Variants in SPTBN4 observed in about 807,000 individuals in gnomAD.
SPTBN4 encodes spectrin beta chain, non-erythrocytic 4.
A neutral mutation model predicts 277.8 loss-of-function variants in SPTBN4; 96 were observed. The ratio of observed to expected loss-of-function variants is 0.35; its 90% confidence interval spans 0.29 to 0.41. The LOEUF (loss-of-function observed/expected upper bound fraction) is 0.41. Among genes scored for constraint, SPTBN4 ranks in the 10% least tolerant of loss-of-function variants. The pLI is 1.00. For missense variants in SPTBN4, 3,006 were observed against 3,595.7 expected (o/e 0.84, Z 4.19); for synonymous variants, 1,481 against 1,580.3 (o/e 0.94, Z 1.49).
chr19:40,523,277 C>T lies in SPTBN4; in HGVS notation c.3655-160C>T, dbSNP rs534063051. On this transcript the variant is annotated intron_variant, in intron 16 of 35. Coordinates refer to ENST00000598249, the MANE Select transcript of SPTBN4 (RefSeq NM_020971.3). The stretch of plus-strand genomic sequence containing the variant: ...GTATCTGGAGGGACAGACTCCCAGG[C>T]AGAAGCACCAGCATGGGCAACAGCC... 1.6e-4 allele frequency among the ~76,000 whole-genome samples: 25 copies of T among 152,326 alleles called. 1 individual carries two copies. In the South Asian group the frequency reaches 5.2e-3, roughly 32 times the overall value.
Position 40,572,056 on chromosome 19 carries a change from G to A in SPTBN4, c.7357G>A (p.Glu2453Lys), listed in dbSNP as rs2081160435. Residue 2453 changes from glutamate (E) to lysine (K), a missense_variant, in exon 34 of 36, where the codon GAA becomes AAA. Glu to Lys is a moderately conservative substitution (Grantham distance 56). This residue lies in a region of SPTBN4 where 630 missense variants were observed against 677.6 expected (regional missense o/e 0.93). Transcript: ENST00000598249. ...VSLYCVLSKG[E>K]LGFYKDSKGP... Reference sequence around the variant, plus strand: ...CCTGTACTGTGTGCTTAGTAAGGGGGAACTGGGCTTCTACAAGGACTCCAA... The same window carrying A: ...CCTGTACTGTGTGCTTAGTAAGGGGAAACTGGGCTTCTACAAGGACTCCAA... The A allele has an allele frequency of 6.2e-7, 1 of 1,607,028 alleles. No individual in the cohort carries two copies. The highest frequency in any genetic ancestry group is 1.1e-5 in the South Asian group (1 of 90,144).
rs1311814132 is a variant in SPTBN4 at position 40,572,209 on chromosome 19, G to A, written c.7493+17G>A. On this transcript the variant is annotated intron_variant, in intron 34 of 35. Coordinates refer to ENST00000598249, the MANE Select transcript of SPTBN4 (RefSeq NM_020971.3). ...CAAGCTCCAGTGAGCCCCCCAATGG[G>A]CAGGAGGGAGGGATCCAAGGCTCAG... 6.3e-7 allele frequency: 1 copy of A among 1,594,004 alleles called. No individual in the cohort carries two copies. The highest frequency in any genetic ancestry group is 8.6e-7 in the Non-Finnish European group (1 of 1,166,742).
Position 40,572,193 on chromosome 19 carries a change from G to A in SPTBN4, c.7493+1G>A. The A allele has an allele frequency of 6.3e-7, 1 of 1,595,938 alleles. No homozygotes were observed. The highest frequency in any genetic ancestry group is 8.6e-7 in the Non-Finnish European group (1 of 1,168,670). ...AAAAGAAGCATGTCTTCAAGCTCCAGTGAGCCCCCCAATGGGCAGGAGGGA... is the reference window on the plus strand; with the variant it reads ...AAAAGAAGCATGTCTTCAAGCTCCAATGAGCCCCCCAATGGGCAGGAGGGA... On this transcript the variant is annotated splice_donor_variant, in intron 34 of 35. Coordinates refer to ENST00000598249, the MANE Select transcript of SPTBN4 (RefSeq NM_020971.3). LOFTEE classifies it high-confidence loss of function.
chr19:40,519,746 G>T lies in SPTBN4; in HGVS notation c.3249G>T (p.Ala1083=), dbSNP rs1321796759. ...LASAAQACGE[A]VAAAGRLQRF... is the part of the protein sequence containing the mutation. ...GCGCGGCTCAGGCCTGCGGCGAGGC[G>T]GTGGCGGCAGCAGGGCGCCTGCAGC... Residue 1083 remains alanine (A), a synonymous_variant, in exon 16 of 36, where the codon GCG becomes GCT. Coordinates refer to ENST00000598249, the MANE Select transcript of SPTBN4 (RefSeq NM_020971.3). This position sits in a 1 kb window ranked among gnomAD's most constrained non-coding sequence, Gnocchi z 5.7. 4.3e-6 allele frequency: 6 copies of T among 1,403,400 alleles called. No individual in the cohort carries two copies. Among genetic ancestry groups the T allele is most frequent in the Non-Finnish European group, 5.5e-6 (6 of 1,090,812 alleles). 86.9% of individuals were successfully genotyped at this position (1,403,400 alleles called of 1,614,324 possible). A position where few individuals can be genotyped will look rare whatever the true frequency, so the allele number is the denominator to read the frequency against.
At chr19:40,556,422 T>C in intron 25 of SPTBN4, 134 bp downstream of exon 25, 1 of 777,218 alleles carries the variant, frequency 1.3e-6, no homozygotes, top group South Asian at 1.9e-5. Flanking sequence ...TGAGTTAATA[T>C]AACGTAAAGC....
At position 40,557,032 on chromosome 19, in the gene SPTBN4, G is replaced by A. The variant is rs867176270; in HGVS notation, c.5299G>A (p.Glu1767Lys). The change falls in exon 26 of 36, where the codon GAG becomes AAG. Residue 1767 changes from glutamate (E) to lysine (K), a missense_variant. Glu to Lys is a moderately conservative substitution (Grantham distance 56). Coordinates refer to ENST00000598249, the MANE Select transcript of SPTBN4 (RefSeq NM_020971.3). ...CACTTCCTGATGGCAGGTGCTGCAG[G>A]AGAAATTCTCAGAGTTTGCCAGCGA... ...QDFEHVSVLQ[E>K]KFSEFASETG... The A allele has an allele frequency of 9.1e-6, 14 of 1,533,880 alleles. No homozygotes were observed. The highest frequency in any genetic ancestry group is 1.2e-5 in the Non-Finnish European group (14 of 1,133,800).
intron 2 of SPTBN4, among the ~76,000 whole-genome samples, chr19:40,480,339 G>A (rs528705891): frequency 6.6e-6 from 1 of 151,876 alleles, no homozygotes; most frequent in East Asian, 1.9e-4. Context: ...AAGATTGCTT[G>A]AGCCCGAGTT....
chr19:40,548,729 C>T (rs1324648153), intron 20 of SPTBN4, among the ~76,000 whole-genome samples: 2 of 150,238 alleles, frequency 1.3e-5, no homozygotes, highest in African/African-American at 2.5e-5. Context: ...AAAAAAAAAG[C>T]GTTAACAAAA....
chr19:40,511,032 A>C (rs2145861936), intron 13 of SPTBN4, among the ~76,000 whole-genome samples: 1 of 151,688 alleles, frequency 6.6e-6, no homozygotes, highest in African/African-American at 2.4e-5. Flanking sequence ...TAAATAAATA[A>C]ATAAATAAAC....
At chr19:40,573,861 G>T (rs1332101531) in intron 35 of SPTBN4, among the ~76,000 whole-genome samples, 1 of 152,082 alleles carries the variant, frequency 6.6e-6, no homozygotes, top group Non-Finnish European at 1.5e-5. Context: ...CAGCATTTTG[G>T]GAGGCCGAGG....
At chr19:40,509,085 C>CTTTT (rs35597606) in intron 13 of SPTBN4, among the ~76,000 whole-genome samples, 3 of 100,266 alleles carry the variant, frequency 3.0e-5, no homozygotes, top group Admixed American at 1.0e-4. Context: ...TTGTTTATTG[C>CTTTT]TTTTTTTTTT....
chr19:40,551,403 A>T (rs887874815), intron 22 of SPTBN4, among the ~76,000 whole-genome samples: 13 of 82,506 alleles, frequency 1.6e-4, no homozygotes, highest in East Asian at 1.4e-3. Flanking sequence ...TCTCTCTCAC[A>T]CACACACACA....
intron 2 of SPTBN4, among the ~76,000 whole-genome samples, chr19:40,478,772 C>G (rs760837344): frequency 8.5e-5 from 13 of 152,176 alleles, no homozygotes; most frequent in Non-Finnish European, 1.3e-4. Context: ...GTCTTCAACT[C>G]CTGACCTCAA....
At position 40,472,701 on chromosome 19, in the gene SPTBN4, G is replaced by C; in HGVS notation, c.80G>C (p.Ser27Thr). The change falls in exon 2 of 36, where the codon AGT becomes ACT. Residue 27 changes from serine to threonine, a missense_variant. Coordinates refer to ENST00000598249, the MANE Select transcript of SPTBN4 (RefSeq NM_020971.3). ...AACAACCCTGCTGCCCGCTGGGAGAGTCCGGATCGGGGCTGGGAGCGGGAG... is the reference window on the plus strand; with the variant it reads ...AACAACCCTGCTGCCCGCTGGGAGACTCCGGATCGGGGCTGGGAGCGGGAG... ...PNNNPAARWE[S>T]PDRGWEREQP... The C allele has an allele frequency of 6.2e-7, 1 of 1,613,304 alleles. No homozygotes were observed. The highest frequency in any genetic ancestry group is 1.1e-5 in the South Asian group (1 of 90,926).
intron 17 of SPTBN4, chr19:40,524,682 A>G: frequency 2.2e-6 from 1 of 450,324 alleles, no homozygotes; most frequent in Non-Finnish European, 4.5e-6. Context: ...CTGGTTGTCA[A>G]ATATTTTGCA....
chr19:40,523,630 T>C lies in SPTBN4; in HGVS notation c.3848T>C (p.Leu1283Pro). 6.2e-7 allele frequency: 1 copy of C among 1,611,210 alleles called. No homozygotes were observed. The highest frequency in any genetic ancestry group is 8.5e-7 in the Non-Finnish European group (1 of 1,178,126). ...GEQAQEAVTR[L>P]LEKNQENQLR... The stretch of plus-strand genomic sequence containing the variant: ...CAGGCTCAGGAGGCTGTGACCCGGC[T>C]GCTGGAGAAGTAGGTCCCCTAGACC... Residue 1283 changes from leucine (L) to proline (P), a missense_variant, in exon 17 of 36, where the codon CTG (leucine) becomes CCG (proline). By Grantham distance (98) the Leu-to-Pro change is moderately conservative. Coordinates refer to ENST00000598249, the MANE Select transcript of SPTBN4 (RefSeq NM_020971.3).
intron 17 of SPTBN4, among the ~76,000 whole-genome samples, chr19:40,528,046 ACT>A (rs1030356609): frequency 2.4e-5 from 3 of 127,284 alleles, no homozygotes; most frequent in African/African-American, 6.1e-5. Flanking sequence ...ATGGAGCGAG[ACT>A]CCATCTCAAA....
rs369584973 is a variant in SPTBN4 at position 40,505,700 on chromosome 19, GAGGAAGGAAGGAAGGAAGGAAGGA to G, written c.1666-505_1666-482del. ...AAGAAGAAGAAAAAAGAATGAAAGG[GAGGAAGGAAGGAAGGAAGGAAGGA>G]AGGAAGGAAGGAAGGAAGGAAGGAA... is the stretch of plus-strand genomic sequence containing the variant. On this transcript the variant is annotated intron_variant, in intron 12 of 35. Transcript: ENST00000598249. 5.6e-4 allele frequency among the ~76,000 whole-genome samples: 65 copies of G among 116,594 alleles called. 1 individual carries two copies. The highest frequency in any genetic ancestry group is 2.2e-3 in the African/African-American group (62 of 28,688). 76.5% of individuals were successfully genotyped at this position (116,594 alleles called of 152,430 possible).
Position 40,520,090 on chromosome 19 carries a change from C to T in SPTBN4, c.3593C>T (p.Ala1198Val). 4 of 1,490,104 alleles carry T rather than the reference C, an allele frequency of 2.7e-6. No individual in the cohort carries two copies. The highest frequency in any genetic ancestry group is 3.6e-6 in the Non-Finnish European group (4 of 1,123,712). The allele number at this position is 1,490,104 out of a possible 1,614,324, so 92.3% of individuals were successfully genotyped here. ...GCGCGCAGGGAGGCGCTGGTCCAGG[C>T]GCACATCTACCAGCTCTTCCTGCGG... ...WEARREALVQ[A>V]HIYQLFLRDL... is the part of the protein sequence containing the mutation. Residue 1198 changes from alanine (A) to valine (V), a missense_variant, in exon 16 of 36, where the codon GCG becomes GTG. Ala to Val is a moderately conservative substitution (Grantham distance 64). Coordinates refer to ENST00000598249, the MANE Select transcript of SPTBN4 (RefSeq NM_020971.3).
Sources: allele counts gnomAD v4.1 joint callset (sites outside exome capture counted in the v4.1 genomes callset), GRCh38; gene constraint gnomAD v4.1.1; regional missense constraint gnomAD v4.1.1; non-coding constraint Gnocchi (gnomAD v3.1); transcripts MANE v1.5; gene names NCBI Gene and HGNC (gene_info 2026-07-23, HGNC 2026-07-21).